CAPN5: variants seen among roughly 807,000 people sequenced by gnomAD.
The protein encoded by CAPN5 is calpain 5, also known as calpain-5.
Under a neutral mutation model 73.0 loss-of-function variants are expected in CAPN5, and 54 were observed. The observed-to-expected ratio is 0.74, with a 90% confidence interval of 0.59 to 0.93. CAPN5 has a LOEUF of 0.93. CAPN5 is among the 40% of genes least tolerant of loss of function. CAPN5 has a pLI of 0.00. For missense variants in CAPN5, 785 were observed against 882.9 expected (o/e 0.89, Z 1.41); for synonymous variants, 335 against 356.9 (o/e 0.94, Z 0.69).
chr11:77,067,285 C>T (rs1949853319), intron 1 of CAPN5, among the ~76,000 whole-genome samples, 191 bp downstream of exon 1: 1 of 152,010 alleles, frequency 6.6e-6, no homozygotes, highest in African/African-American at 2.4e-5. Context: ...CTGGAGCATC[C>T]GCCTGGGCCC....
At chr11:77,085,160 C>A in intron 2 of CAPN5, 109 bp downstream of exon 2, 1 of 942,980 alleles carries the variant, frequency 1.1e-6, no homozygotes, top group Admixed American at 2.1e-5. Flanking sequence ...TGGCCCCAGG[C>A]TGCTGAGAAA....
At chr11:77,082,320 C>T (rs1555034729) in intron 1 of CAPN5, among the ~76,000 whole-genome samples, 1 of 152,144 alleles carries the variant, frequency 6.6e-6, no homozygotes, top group African/African-American at 2.4e-5. Flanking sequence ...ACCCAGGGGT[C>T]CTGCTCGGCC....
intron 3 of CAPN5, among the ~76,000 whole-genome samples, chr11:77,112,323 G>T (rs1260101925): frequency 6.6e-6 from 1 of 152,060 alleles, no homozygotes; most frequent in Non-Finnish European, 1.5e-5. Flanking sequence ...TTGCAGGGAG[G>T]CATGAGAAAG....
At chr11:77,107,524 C>T (rs552109444) in intron 3 of CAPN5, among the ~76,000 whole-genome samples, 4 of 152,292 alleles carry the variant, frequency 2.6e-5, no homozygotes, top group South Asian at 4.2e-4. Flanking sequence ...TCCACTCTGT[C>T]GCACAGCTGG....
At position 77,114,151 on chromosome 11, in the gene CAPN5, C is replaced by T; in HGVS notation, c.507-91C>T. ...CGTGACTGTAACAGGTTGTTTGACC[C>T]CTCTGAGTTTCAAAAACCTCCCCTA... On this transcript the variant is annotated intron_variant, in intron 4 of 12. Coordinates refer to ENST00000648180, the MANE Select transcript of CAPN5 (RefSeq NM_004055.5). The T allele has an allele frequency of 9.2e-6, 11 of 1,193,798 alleles. No homozygotes were observed. The South Asian group carries it at 1.3e-4, about 14-fold the overall frequency. The allele number at this position is 1,193,798 out of a possible 1,614,324, so 74.0% of individuals were successfully genotyped here.
intron 10 of CAPN5, among the ~76,000 whole-genome samples, chr11:77,121,634 G>T (rs1950521200): frequency 6.6e-6 from 1 of 152,240 alleles, no homozygotes; most frequent in Admixed American, 6.5e-5. Context: ...GCCTTTGCGG[G>T]GCTTTGCAGG....
intron 2 of CAPN5, among the ~76,000 whole-genome samples, chr11:77,086,289 C>T (rs782232884): frequency 1.3e-5 from 2 of 152,160 alleles, no homozygotes; most frequent in African/African-American, 2.4e-5. Context: ...GCTATGATCT[C>T]GAGTCCCTTC....
intron 1 of CAPN5, among the ~76,000 whole-genome samples, chr11:77,078,317 C>G (rs1448085240): frequency 2.0e-5 from 3 of 152,200 alleles, no homozygotes; most frequent in Non-Finnish European, 4.4e-5. Flanking sequence ...ATTGGAGAGA[C>G]TGTCTTTTCC....
intron 1 of CAPN5, chr11:77,073,209 T>A: frequency 1.2e-6 from 1 of 854,744 alleles, no homozygotes; most frequent in Non-Finnish European, 1.7e-6. Context: ...GTGTTAAAAC[T>A]GTGGTGAGCT....
rs146408580 is a variant in CAPN5, at chr11:77,118,358, C to T, written c.1167+6C>T. On this transcript the variant is annotated splice_donor_region_variant and intron_variant, in intron 8 of 12. Transcript: ENST00000648180. ...CCTTCTTCCAGAACCCACAGGTGGG[C>T]GTTCTCAGGAACCCCCACCCTGCCC... 338 of 1,562,918 alleles carry T rather than the reference C, an allele frequency of 2.2e-4. 2 individuals carry two copies. The East Asian group carries it at 7.6e-3, about 35-fold the overall frequency.
At chr11:77,112,883 G>A (rs955152970) in intron 4 of CAPN5, 86 bp downstream of exon 4, 1 of 1,295,592 alleles carries the variant, frequency 7.7e-7, no homozygotes, top group Non-Finnish European at 1.1e-6. Context: ...GTTAGCCAGG[G>A]CTTTAGGCAC....
intron 4 of CAPN5, among the ~76,000 whole-genome samples, chr11:77,113,709 C>T (rs566290721): frequency 1.0e-5 from 1 of 97,906 alleles, no homozygotes; most frequent in South Asian, 3.9e-4. Context: ...CCCCTGGTGG[C>T]CACTGAGTCT....
chr11:77,094,306 C>G (rs1950186083), intron 3 of CAPN5, among the ~76,000 whole-genome samples: 2 of 152,322 alleles, frequency 1.3e-5, no homozygotes, highest in African/African-American at 4.8e-5. Flanking sequence ...TGTTCTGGAC[C>G]AGGGCCAAAG....
chr11:77,093,670 C>T lies in CAPN5; in HGVS notation c.166-12C>T, dbSNP rs1555036966. 5 of 1,572,204 alleles carry T rather than the reference C, an allele frequency of 3.2e-6. No homozygotes were observed. The highest frequency in any genetic ancestry group is 4.7e-5 in the East Asian group (2 of 42,822). On this transcript the variant is annotated splice_polypyrimidine_tract_variant and intron_variant, in intron 2 of 12. Transcript: ENST00000648180. The stretch of plus-strand genomic sequence containing the variant: ...CTCCGCCCCTCACGCTCTCTCCTCG[C>T]CTTCTCCGCAGGGCATCTGCGAGGA...
intron 7 of CAPN5, among the ~76,000 whole-genome samples, chr11:77,117,921 G>T (rs1358614359): frequency 6.6e-6 from 1 of 152,216 alleles, no homozygotes; most frequent in East Asian, 1.9e-4. Flanking sequence ...GCTCTGAGAT[G>T]GGCACCTGCT....
intron 4 of CAPN5, 127 bp downstream of exon 4, chr11:77,112,924 G>C: frequency 2.2e-6 from 2 of 895,430 alleles, no homozygotes; most frequent in Admixed American, 4.3e-5. Flanking sequence ...CAGGCACGCA[G>C]CAGGCTCAAC....
intron 12 of CAPN5, among the ~76,000 whole-genome samples, 154 bp downstream of exon 12, chr11:77,122,866 G>A (rs576247751): frequency 3.9e-5 from 6 of 152,326 alleles, no homozygotes; most frequent in Admixed American, 6.5e-5. Flanking sequence ...GTGGCTTTGG[G>A]AGCTCTCTTG....
intron 3 of CAPN5, among the ~76,000 whole-genome samples, chr11:77,101,434 T>A (rs1555038820): frequency 6.6e-6 from 1 of 152,186 alleles, no homozygotes; most frequent in African/African-American, 2.4e-5. Context: ...AAAGGTTCTG[T>A]GAGGATCAGG....
chr11:77,105,811 T>A (rs1950340342), intron 3 of CAPN5, among the ~76,000 whole-genome samples: 1 of 152,224 alleles, frequency 6.6e-6, no homozygotes, highest in African/African-American at 2.4e-5. Flanking sequence ...CCTCACTTGA[T>A]CCTTCCTCAC....
Sources: allele counts gnomAD v4.1 joint callset (sites outside exome capture counted in the v4.1 genomes callset), GRCh38; gene constraint gnomAD v4.1.1; transcripts MANE v1.5; gene names NCBI Gene and HGNC (gene_info 2026-07-23, HGNC 2026-07-21).